PDE10A: variants seen among roughly 807,000 people sequenced by gnomAD.
The protein encoded by PDE10A is phosphodiesterase 10A.
Under a neutral mutation model 97.7 loss-of-function variants are expected in PDE10A, and 39 were observed. That is an observed-to-expected ratio of 0.40 (90% CI 0.31 to 0.52). The LOEUF (loss-of-function observed/expected upper bound fraction) is 0.52, where lower values mean the gene tolerates loss of function less well. PDE10A is among the 20% of genes least tolerant of loss of function. The pLI, the probability that PDE10A is intolerant of heterozygous loss-of-function variation, is 0.56. For missense variants in PDE10A, 731 were observed against 1,047.8 expected, an observed-to-expected ratio of 0.70 and a Z score of 4.17; for synonymous variants, 371 against 376.8, an observed-to-expected ratio of 0.98 and a Z score of 0.18.
At chr6:165,506,135 T>C (rs183621587) in intron 2 of PDE10A, among the ~76,000 whole-genome samples, 85 of 152,270 alleles carry the variant, frequency 5.6e-4, no homozygotes, top group African/African-American at 1.8e-3. Context: ...TTGGTTTTTT[T>C]CCCCACTAAA....
intron 1 of PDE10A, among the ~76,000 whole-genome samples, chr6:165,569,558 T>C (rs1420642744): frequency 6.6e-6 from 1 of 152,232 alleles, no homozygotes; most frequent in East Asian, 1.9e-4. Flanking sequence ...ATAATATAAC[T>C]ATCTCTGTTT....
intron 1 of PDE10A, among the ~76,000 whole-genome samples, chr6:165,707,611 T>C (rs2128445119): frequency 6.6e-6 from 1 of 152,172 alleles, no homozygotes; most frequent in Non-Finnish European, 1.5e-5. Flanking sequence ...ACAGTGTGTG[T>C]GCATGTGTGA....
intron 1 of PDE10A, among the ~76,000 whole-genome samples, chr6:165,912,826 ATAAGCAACTGTTTAGTATTGGC>A (rs1348013212): frequency 2.6e-5 from 4 of 152,240 alleles, no homozygotes; most frequent in Non-Finnish European, 5.9e-5. Context: ...TATGTCCAGT[ATAAGCAACTGTTTAGTATTGGC>A]TAAGCATCTG....
At chr6:165,506,100 C>T (rs1781175682) in intron 2 of PDE10A, among the ~76,000 whole-genome samples, 1 of 152,080 alleles carries the variant, frequency 6.6e-6, no homozygotes, top group Admixed American at 6.6e-5. Flanking sequence ...ATTCCCATAA[C>T]AACATAACTA....
At chr6:165,632,153 T>C (rs759820430) in intron 1 of PDE10A, among the ~76,000 whole-genome samples, 3 of 139,614 alleles carry the variant, frequency 2.1e-5, no homozygotes, top group African/African-American at 5.3e-5. Context: ...TGAGCCAAGA[T>C]TGCGCCACTG....
At position 165,418,556 on chromosome 6, in the gene PDE10A, G is replaced by C. The variant is rs1788478185; in HGVS notation, c.1796+79C>G. On this transcript the variant is annotated intron_variant, in intron 11 of 21. Transcript: ENST00000539869. This position sits in a 1 kb window ranked among gnomAD's most constrained non-coding sequence, Gnocchi z 4.8. ...TGACAAGTATTGTCAGCATACCTGTGAATAGGCACAGAAAAATGGGTAACG... is the reference window on the plus strand; with the variant it reads ...TGACAAGTATTGTCAGCATACCTGTCAATAGGCACAGAAAAATGGGTAACG... The C allele has an allele frequency of 4.5e-6, 6 of 1,338,266 alleles. No individual in the cohort carries two copies. Among genetic ancestry groups the C allele is most frequent in the Non-Finnish European group, 6.3e-6 (6 of 950,662 alleles). The allele number at this position is 1,338,266 out of a possible 1,614,324, so 82.9% of individuals were successfully genotyped here.
intron 1 of PDE10A, among the ~76,000 whole-genome samples, chr6:165,930,340 GC>G (rs1306923977): frequency 1.3e-5 from 2 of 152,190 alleles, no homozygotes; most frequent in African/African-American, 4.8e-5. Flanking sequence ...GGGACAAGTG[GC>G]CCAAGAGAAG....
rs139841422 is a variant in PDE10A, at chr6:165,671,877, A to G, written c.-614-128309T>C. ...GGGCATCAGTTAAAATGGTCTCCCC[A>G]TATAAAAGCAAGTTTACACATTAAA... On this transcript the variant is annotated intron_variant, in intron 1 of 19. Coordinates refer to the PDE10A transcript ENST00000366882. The surrounding 1 kb of genome is among the most constrained non-coding windows in gnomAD (Gnocchi z 4.6). 3.7e-3 allele frequency among the ~76,000 whole-genome samples: 570 copies of G among 152,340 alleles called. 3 individuals are homozygous for G. The highest frequency in any genetic ancestry group is 0.013 in the African/African-American group (548 of 41,576).
intron 1 of PDE10A, among the ~76,000 whole-genome samples, chr6:165,828,025 GA>G (rs1420521559): frequency 6.6e-6 from 1 of 152,182 alleles, no homozygotes; most frequent in Non-Finnish European, 1.5e-5. Flanking sequence ...ACTAGCACAG[GA>G]GGGGTAAATG....
At chr6:165,943,337 G>GA (rs1283767431) in intron 1 of PDE10A, among the ~76,000 whole-genome samples, 2 of 104,384 alleles carry the variant, frequency 1.9e-5, no homozygotes, top group African/African-American at 5.4e-5. Flanking sequence ...GAAAAAGAAA[G>GA]AAAGAAAAGA....
chr6:165,388,294 T>C lies in PDE10A; in HGVS notation c.2610+4A>G. 6.2e-7 allele frequency: 1 copy of C among 1,613,784 alleles called. No individual in the cohort carries two copies. The highest frequency in any genetic ancestry group is 1.1e-5 in the South Asian group (1 of 91,058). On this transcript the variant is annotated splice_donor_region_variant and intron_variant, in intron 17 of 21. Coordinates refer to ENST00000539869, the MANE Select transcript of PDE10A (RefSeq NM_001385079.1). The surrounding 1 kb of genome is among the most constrained non-coding windows in gnomAD (Gnocchi z 4.0). ...TAAGCGAGAGACGGCGTGCAGTGAC[T>C]CACCTGGAGGATGGACACAGTCTGG...
At chr6:165,770,326 AAAG>A (rs752067803) in intron 1 of PDE10A, among the ~76,000 whole-genome samples, 15 of 152,150 alleles carry the variant, frequency 9.9e-5, no homozygotes, top group Non-Finnish European at 1.9e-4. Context: ...AAAAAGAAAG[AAAG>A]AAGGAGAAAG....
chr6:165,652,130 T>G (rs1296514365), intron 1 of PDE10A, among the ~76,000 whole-genome samples: 2 of 152,246 alleles, frequency 1.3e-5, no homozygotes, highest in Non-Finnish European at 2.9e-5. Flanking sequence ...AAAGTTATGA[T>G]GACTGATTAG....
At chr6:165,493,494 G>T (rs1390471665) in intron 2 of PDE10A, among the ~76,000 whole-genome samples, 1 of 152,190 alleles carries the variant, frequency 6.6e-6, no homozygotes, top group Non-Finnish European at 1.5e-5. Context: ...TAGGCATATA[G>T]ACCAATGCAA....
At chr6:165,407,908 A>C (rs2128224130) in intron 13 of PDE10A, among the ~76,000 whole-genome samples, 1 of 152,312 alleles carries the variant, frequency 6.6e-6, no homozygotes. Flanking sequence ...AATGAAAGAG[A>C]GATGCTGCCA....
chr6:165,511,414 G>A (rs542076664), intron 2 of PDE10A, among the ~76,000 whole-genome samples: 1 of 117,780 alleles, frequency 8.5e-6, no homozygotes, highest in East Asian at 2.6e-4. Flanking sequence ...AAAATATCTT[G>A]AGAATTGTTT....
chr6:165,481,370 T>C (rs1779597533), intron 3 of PDE10A, among the ~76,000 whole-genome samples: 1 of 152,116 alleles, frequency 6.6e-6, no homozygotes, highest in Admixed American at 6.5e-5. Flanking sequence ...GAATCCTACA[T>C]TGCTATGGAC....
At chr6:165,448,566 A>T (rs1791033215) in intron 5 of PDE10A, among the ~76,000 whole-genome samples, 1 of 152,196 alleles carries the variant, frequency 6.6e-6, no homozygotes, top group Non-Finnish European at 1.5e-5. Flanking sequence ...TTCTCATTTA[A>T]TTCTACTGTA....
chr6:165,713,929 T>G (rs1010572328), intron 1 of PDE10A, among the ~76,000 whole-genome samples: 16 of 152,222 alleles, frequency 1.1e-4, no homozygotes, highest in African/African-American at 3.9e-4. Flanking sequence ...ATAAGTATTT[T>G]GGATTGAAAC....
Sources: gnomAD v4.1 joint callset for allele counts (sites outside exome capture counted in the v4.1 genomes callset) on GRCh38, gnomAD v4.1.1 for gene constraint, Gnocchi (gnomAD v3.1) non-coding constraint, MANE v1.5 for transcripts, NCBI Gene and HGNC (gene_info 2026-07-23, HGNC 2026-07-21) for gene names.